Variants in COL4A2 observed in about 807,000 individuals in gnomAD.
COL4A2 encodes the protein collagen alpha-2(IV) chain.
A neutral mutation model predicts 200.2 loss-of-function variants in COL4A2; 99 were observed. That is an observed-to-expected ratio of 0.49 (90% CI 0.42 to 0.58). The LOEUF (loss-of-function observed/expected upper bound fraction) is 0.58, where lower values mean the gene tolerates loss of function less well. COL4A2 is among the 20% of genes least tolerant of loss of function. The probability of loss-of-function intolerance (pLI) is 0.00; values close to 1 mark genes in which losing one functional copy is unlikely to be tolerated. For synonymous variants in COL4A2, 897 were observed against 900.6 expected (o/e 1.00, Z 0.07); for missense variants, 1,950 against 2,314.1 (o/e 0.84, Z 3.23).
At chr13:110,419,170 G>A (rs914040685) in intron 4 of COL4A2, among the ~76,000 whole-genome samples, 52 of 152,176 alleles carry the variant, frequency 3.4e-4, no homozygotes, top group African/African-American at 8.7e-4. Context: ...GGATATGGGC[G>A]TCTGCTGGGC....
intron 20 of COL4A2, among the ~76,000 whole-genome samples, chr13:110,453,119 G>A (rs1333543789): frequency 6.6e-6 from 1 of 152,134 alleles, no homozygotes; most frequent in Non-Finnish European, 1.5e-5. Context: ...GTTTCTATGA[G>A]CATTATATTT....
At chr13:110,489,075 T>G (rs1046394829) in intron 34 of COL4A2, among the ~76,000 whole-genome samples, 1 of 151,824 alleles carries the variant, frequency 6.6e-6, no homozygotes, top group Non-Finnish European at 1.5e-5. Flanking sequence ...ACTAAAAATT[T>G]AAAAACTATT....
At chr13:110,470,218 A>C (rs1372052179) in intron 28 of COL4A2, among the ~76,000 whole-genome samples, 15 of 152,092 alleles carry the variant, frequency 9.9e-5, no homozygotes, top group Admixed American at 9.8e-4. Flanking sequence ...GCCAGGCCGC[A>C]CACATCTTCA....
intron 3 of COL4A2, among the ~76,000 whole-genome samples, chr13:110,345,999 A>G (rs7326627): frequency 0.062 from 9,503 of 152,126 alleles, 895 homozygotes; most frequent in African/African-American, 0.21. Flanking sequence ...TCCTGCCCAC[A>G]CCCAGCTCCG....
intron 4 of COL4A2, among the ~76,000 whole-genome samples, chr13:110,396,891 A>G (rs764511844): frequency 3.3e-5 from 5 of 152,206 alleles, no homozygotes; most frequent in Non-Finnish European, 7.3e-5. Context: ...ATGCATAGAG[A>G]GATTTCAGAG....
chr13:110,381,377 G>C (rs1253347040), intron 4 of COL4A2, among the ~76,000 whole-genome samples: 2 of 152,220 alleles, frequency 1.3e-5, no homozygotes, highest in African/African-American at 4.8e-5. Context: ...ACATCCGCCT[G>C]CTCCTCTACC....
intron 4 of COL4A2, among the ~76,000 whole-genome samples, chr13:110,375,408 G>C (rs188769621): frequency 6.6e-6 from 1 of 152,172 alleles, no homozygotes; most frequent in Non-Finnish European, 1.5e-5. Context: ...ACAGTCATCC[G>C]CAAAATGACA....
intron 40 of COL4A2, among the ~76,000 whole-genome samples, chr13:110,500,793 AAC>A (rs1224988032): frequency 1.3e-5 from 2 of 152,190 alleles, no homozygotes; most frequent in Non-Finnish European, 2.9e-5. Flanking sequence ...CTGATTCAGG[AAC>A]AGTCAACATG....
At chr13:110,366,092 G>C (rs1877733355) in intron 4 of COL4A2, among the ~76,000 whole-genome samples, 1 of 152,210 alleles carries the variant, frequency 6.6e-6, no homozygotes, top group South Asian at 2.1e-4. Context: ...GTTTTGACAA[G>C]TGTAGCACTG....
At position 110,385,139 on chromosome 13, in the gene COL4A2, G is replaced by A. The variant is rs561951286; in HGVS notation, c.180+27587G>A. Among the ~76,000 whole-genome samples, 31 of 152,014 alleles carry A rather than the reference G, an allele frequency of 2.0e-4. 1 individual carries two copies. Among genetic ancestry groups the A allele is most frequent in the Admixed American group, 1.3e-3 (20 of 15,274 alleles). On this transcript the variant is annotated intron_variant, in intron 4 of 47. Transcript: ENST00000360467. Reference sequence around the variant, plus strand: ...TAGCCAGGCGCAGTGGCGGGTGCCTGTAGTCCCAGCCACTTGGGAGGCTGA... The same window carrying A: ...TAGCCAGGCGCAGTGGCGGGTGCCTATAGTCCCAGCCACTTGGGAGGCTGA...
At chr13:110,366,893 C>A (rs1304548726) in intron 4 of COL4A2, among the ~76,000 whole-genome samples, 2 of 152,238 alleles carry the variant, frequency 1.3e-5, no homozygotes. Flanking sequence ...TCTGAGCCCT[C>A]TGGCATCTCA....
chr13:110,318,318 G>A (rs186095229), intron 3 of COL4A2, among the ~76,000 whole-genome samples: 13 of 147,680 alleles, frequency 8.8e-5, no homozygotes, highest in South Asian at 8.6e-4. Flanking sequence ...GTGTGCGCGC[G>A]GGTATGGTTT....
chr13:110,476,250 T>G (rs1479793921), intron 29 of COL4A2, among the ~76,000 whole-genome samples: 4 of 152,242 alleles, frequency 2.6e-5, no homozygotes, highest in Non-Finnish European at 5.9e-5. Flanking sequence ...CCTGCAGTGC[T>G]GCCTGCCAAC....
At chr13:110,320,785 A>C (rs1424569465) in intron 3 of COL4A2, among the ~76,000 whole-genome samples, 2 of 152,202 alleles carry the variant, frequency 1.3e-5, no homozygotes, top group South Asian at 4.1e-4. Flanking sequence ...CCTTTCAAAA[A>C]CATCTCTTCT....
At chr13:110,434,490 G>A (rs1418125063) in intron 12 of COL4A2, 48 bp downstream of exon 12, 7 of 1,577,230 alleles carry the variant, frequency 4.4e-6, no homozygotes, top group East Asian at 2.2e-5. Flanking sequence ...GCATTTCTCA[G>A]CCAGGAAATA....
chr13:110,449,630 T>A (rs1881457900), intron 18 of COL4A2, 49 bp from the exon 19 acceptor site: 1 of 1,491,622 alleles, frequency 6.7e-7, no homozygotes, highest in Non-Finnish European at 9.0e-7. Context: ...CCAGCTGCGA[T>A]CCGTAGACCA....
intron 40 of COL4A2, among the ~76,000 whole-genome samples, chr13:110,497,788 G>A (rs1339056364): frequency 6.7e-6 from 1 of 150,120 alleles, no homozygotes. Context: ...CTCAGTCAGG[G>A]GTGAGGATCT....
chr13:110,437,792 TTTATC>T (rs1410131251), intron 13 of COL4A2, among the ~76,000 whole-genome samples: 1 of 152,192 alleles, frequency 6.6e-6, no homozygotes, highest in Admixed American at 6.5e-5. Flanking sequence ...CAGGAATTAA[TTTATC>T]TTGTGAAAAT....
chr13:110,446,647 G>C (rs937223065), intron 17 of COL4A2, 151 bp from the exon 18 acceptor site: 4 of 619,140 alleles, frequency 6.5e-6, no homozygotes, highest in African/African-American at 5.4e-5. Context: ...TGGGGATGCT[G>C]CCCCAGGCAC....
Sources: allele counts gnomAD v4.1 joint callset (sites outside exome capture counted in the v4.1 genomes callset), GRCh38; gene constraint gnomAD v4.1.1; transcripts MANE v1.5; gene names NCBI Gene and HGNC (gene_info 2026-07-23, HGNC 2026-07-21).